Variants in CHD1 observed in about 807,000 individuals in gnomAD.
CHD1 encodes the protein ATP-dependent chromatin remodeler CHD1.
In CHD1, 36 loss-of-function variants were observed where a neutral mutation model predicts 224.2. That is an observed-to-expected ratio of 0.16 (90% CI 0.12 to 0.21). CHD1 has a LOEUF of 0.21. Among genes scored for constraint, CHD1 ranks in the 10% least tolerant of loss-of-function variants. The pLI, the probability that CHD1 is intolerant of heterozygous loss-of-function variation, is 1.00. For missense variants in CHD1, 1,378 were observed against 1,994.8 expected, an observed-to-expected ratio of 0.69 and a Z score of 5.89; for synonymous variants, 668 against 658.3, an observed-to-expected ratio of 1.01 and a Z score of -0.23.
intron 31 of CHD1, 21 bp downstream of exon 31, chr5:98,868,474 A>G: frequency 1.4e-5 from 23 of 1,587,304 alleles, no homozygotes; most frequent in Non-Finnish European, 2.0e-5. Context: ...AATACTAATA[A>G]TCAGAAAGTC....
At chr5:98,907,651 T>C (rs1244239439) in intron 2 of CHD1, among the ~76,000 whole-genome samples, 1 of 150,856 alleles carries the variant, frequency 6.6e-6, no homozygotes, top group African/African-American at 2.4e-5. Flanking sequence ...TAGAATGATC[T>C]AAGATACAGT....
chr5:98,887,625 T>C (rs1389551710), intron 17 of CHD1, among the ~76,000 whole-genome samples: 6 of 152,166 alleles, frequency 3.9e-5, no homozygotes, highest in Admixed American at 2.6e-4. Flanking sequence ...TTTTGGTCTT[T>C]AGTTTCTTCT....
chr5:98,921,358 G>A (rs2112649104), intron 2 of CHD1, among the ~76,000 whole-genome samples: 1 of 152,296 alleles, frequency 6.6e-6, no homozygotes, highest in Admixed American at 6.5e-5. Context: ...TAACAAAGTG[G>A]CAAGATGCTA....
At position 98,892,663 on chromosome 5, in the gene CHD1, T is replaced by C; in HGVS notation, c.2042A>G (p.Tyr681Cys). Residue 681 changes from tyrosine (Y) to cysteine (C), a missense_variant, in exon 15 of 36, where the codon TAT becomes TGT. Tyr to Cys is a radical substitution (Grantham distance 194, BLOSUM62 -2). This residue lies in a region of CHD1 where 37 missense variants were observed against 118.9 expected (regional missense o/e 0.31). Transcript: ENST00000614616. ...CTCCTTGTGAAGGCTTGCATAACCA[T>C]ATTCTCTCCCTTTGCCATGTTCTTC... ...FEEEHGKGRE[Y>C]GYASLHKELE... is the part of the protein sequence containing the mutation. 3 of 1,612,406 alleles carry C rather than the reference T, an allele frequency of 1.9e-6. No homozygotes were observed. The African/African-American group carries it at 4.0e-5, about 21-fold the overall frequency.
chr5:98,906,600 G>C, intron 2 of CHD1, among the ~76,000 whole-genome samples: 1 of 152,148 alleles, frequency 6.6e-6, no homozygotes, highest in East Asian at 1.9e-4. Context: ...CCTCGAGACA[G>C]TCATATAAAT....
At chr5:98,896,482 C>A (rs760039809) in intron 11 of CHD1, 40 bp from the exon 12 acceptor site, 9 of 1,397,458 alleles carry the variant, frequency 6.4e-6, no homozygotes, top group Non-Finnish European at 9.0e-6. Context: ...AGGAAATATT[C>A]AAATATACAA....
At chr5:98,898,221 A>G in intron 10 of CHD1, 35 bp downstream of exon 10, 1 of 1,159,188 alleles carries the variant, frequency 8.6e-7, no homozygotes, top group Non-Finnish European at 1.1e-6. Context: ...GTATAAATAT[A>G]TTTTTAATAA....
At chr5:98,886,995 G>A (rs769074924) in intron 17 of CHD1, among the ~76,000 whole-genome samples, 1 of 152,080 alleles carries the variant, frequency 6.6e-6, no homozygotes, top group Non-Finnish European at 1.5e-5. Flanking sequence ...GGCAGAAGAG[G>A]AAGGCAAATG....
chr5:98,895,359 A>G (rs1751277379), intron 12 of CHD1, among the ~76,000 whole-genome samples: 1 of 152,234 alleles, frequency 6.6e-6, no homozygotes, highest in Non-Finnish European at 1.5e-5. Context: ...GTAGAGGTAT[A>G]GACAAAACAA....
intron 31 of CHD1, among the ~76,000 whole-genome samples, chr5:98,867,795 G>GTTTT (rs71619163): frequency 6.3e-4 from 62 of 98,050 alleles, no homozygotes; most frequent in East Asian, 1.5e-3. Context: ...TATCTTCCTT[G>GTTTT]TTTTTTTTTT....
intron 1 of CHD1, among the ~76,000 whole-genome samples, chr5:98,928,319 G>A (rs1051108361): frequency 6.6e-6 from 1 of 152,052 alleles, no homozygotes; most frequent in Non-Finnish European, 1.5e-5. Context: ...CAGGGCCGCC[G>A]GGCCGGCGCA....
Position 98,879,546 on chromosome 5 carries a change from AAT to A in CHD1, c.3237+4_3237+5del, listed in dbSNP as rs765461073. 26 of 1,579,650 alleles carry A rather than the reference AAT, an allele frequency of 1.6e-5. No individual in the cohort carries two copies. The highest frequency in any genetic ancestry group is 2.2e-5 in the Non-Finnish European group (26 of 1,171,222). On this transcript the variant is annotated splice_donor_5th_base_variant and intron_variant, in intron 23 of 35. Coordinates refer to ENST00000614616, the MANE Select transcript of CHD1 (RefSeq NM_001270.4). ...TATAGAAATATCTTTAAAATTGCAA[AAT>A]CACCTGTTTTGCACAATTTCTCATT...
At chr5:98,874,940 G>A in intron 25 of CHD1, 132 bp downstream of exon 25, 1 of 594,222 alleles carries the variant, frequency 1.7e-6, no homozygotes, top group Non-Finnish European at 3.0e-6. Flanking sequence ...AATTTCCCTT[G>A]TACATTAATT....
At chr5:98,889,015 G>A (rs1052137821) in intron 16 of CHD1, 61 bp downstream of exon 16, 1 of 1,201,228 alleles carries the variant, frequency 8.3e-7, no homozygotes, top group Non-Finnish European at 1.2e-6. Context: ...ATTTTCGATT[G>A]TAAGTGAAAT....
In CHD1 at chr5:98,869,890, T is replaced by C; in HGVS notation, c.3979-8A>G. The C allele has an allele frequency of 1.3e-6, 2 of 1,577,832 alleles. No individual in the cohort carries two copies. The highest frequency in any genetic ancestry group is 1.7e-6 in the Non-Finnish European group (2 of 1,156,372). On this transcript the variant is annotated splice_polypyrimidine_tract_variant and splice_region_variant and intron_variant, in intron 29 of 35. Coordinates refer to ENST00000614616, the MANE Select transcript of CHD1 (RefSeq NM_001270.4). ...TCTCCTCTTTGAACTTCCCTAAAAA[T>C]CATTATTTTAATTTTAACCAATTCT...
At position 98,894,662 on chromosome 5, in the gene CHD1, G is replaced by T; in HGVS notation, c.1735C>A (p.His579Asn). Residue 579 changes from histidine to asparagine, a missense_variant, in exon 13 of 36, where the codon CAT becomes AAT. Physicochemically the swap from His to Asn is moderately conservative, Grantham distance 68. Coordinates refer to ENST00000614616, the MANE Select transcript of CHD1 (RefSeq NM_001270.4). ...NMIRTHEWTH[H>N]QTKRLKFNIL... ...TTAAATTTTAACCGTTTGGTCTGAT[G>T]ATGCGTCCATTCATGAGTTCTTATC... is the stretch of plus-strand genomic sequence containing the variant. 1 of 1,490,654 alleles carries T rather than the reference G, an allele frequency of 6.7e-7. No homozygotes were observed. Among genetic ancestry groups the T allele is most frequent in the Non-Finnish European group, 9.2e-7 (1 of 1,085,450 alleles). 92.3% of individuals were successfully genotyped at this position (1,490,654 alleles called of 1,614,324 possible). A position where few individuals can be genotyped will look rare whatever the true frequency, so the allele number is the denominator to read the frequency against.
intron 12 of CHD1, 83 bp from the exon 13 acceptor site, chr5:98,894,769 C>T (rs1751238955): frequency 5.0e-6 from 3 of 605,074 alleles, no homozygotes; most frequent in Admixed American, 3.1e-5. Flanking sequence ...AATTAAAATC[C>T]ATTCAAATAT....
At chr5:98,913,886 A>T (rs1457203713) in intron 2 of CHD1, among the ~76,000 whole-genome samples, 1 of 152,210 alleles carries the variant, frequency 6.6e-6, no homozygotes, top group South Asian at 2.1e-4. Context: ...AAGGAAGTTC[A>T]GAAAAAAGCC....
rs1368187885 is a variant in CHD1, at chr5:98,870,790, T to A, written c.3875A>T (p.Asp1292Val). The change falls in exon 29 of 36, where the codon GAT becomes GTT. Residue 1292 changes from aspartate to valine, a missense_variant. Physicochemically the swap from Asp to Val is radical, Grantham distance 152. Coordinates refer to ENST00000614616, the MANE Select transcript of CHD1 (RefSeq NM_001270.4). ...LSLTHKILPD[D>V]PDKKPQAKQL... The stretch of plus-strand genomic sequence containing the variant: ...TTTTGCTTGTGGTTTTTTATCGGGA[T>A]CATCTGGAAGAATCTGAAAAAGCAA... 1 of 1,609,764 alleles carries A rather than the reference T, an allele frequency of 6.2e-7. No individual in the cohort carries two copies. The highest frequency in any genetic ancestry group is 8.5e-7 in the Non-Finnish European group (1 of 1,177,102).
Sources: gnomAD v4.1 joint callset for allele counts (sites outside exome capture counted in the v4.1 genomes callset) on GRCh38, gnomAD v4.1.1 for gene constraint, gnomAD v4.1.1 regional missense constraint, MANE v1.5 for transcripts, NCBI Gene and HGNC (gene_info 2026-07-23, HGNC 2026-07-21) for gene names.